Variants in FHOD3 observed in about 807,000 individuals in gnomAD.
FHOD3 encodes formin homology 2 domain containing 3.
In FHOD3, 90 loss-of-function variants were observed where a neutral mutation model predicts 173.0. The ratio of observed to expected loss-of-function variants is 0.52; its 90% confidence interval spans 0.44 to 0.62. FHOD3 has a LOEUF of 0.62. Ranked by LOEUF, FHOD3 falls within the 20% of genes least tolerant of loss-of-function variation. The pLI, the probability that FHOD3 is intolerant of heterozygous loss-of-function variation, is 0.00. For synonymous variants in FHOD3, 828 were observed against 823.0 expected, an observed-to-expected ratio of 1.01 and a Z score of -0.10; for missense variants, 1,945 against 2,034.7, an observed-to-expected ratio of 0.96 and a Z score of 0.85.
intron 10 of FHOD3, among the ~76,000 whole-genome samples, chr18:36,648,953 C>G (rs955420116): frequency 3.9e-5 from 6 of 152,202 alleles, no homozygotes; most frequent in South Asian, 2.1e-4. Context: ...CTGGATGATT[C>G]TGTGTGGAGG....
chr18:36,666,480 G>C (rs1189947931), intron 14 of FHOD3, among the ~76,000 whole-genome samples: 4 of 152,210 alleles, frequency 2.6e-5, no homozygotes, highest in Non-Finnish European at 4.4e-5. Context: ...TGTATCATTA[G>C]ACAGGGTGAT....
intron 3 of FHOD3, among the ~76,000 whole-genome samples, chr18:36,484,243 G>A (rs1021237883): frequency 6.6e-6 from 1 of 152,170 alleles, no homozygotes. Context: ...TTGACTTCTT[G>A]ACATCTTTTT....
At chr18:36,509,155 A>G (rs1300878095) in intron 4 of FHOD3, among the ~76,000 whole-genome samples, 1 of 152,130 alleles carries the variant, frequency 6.6e-6, no homozygotes, top group African/African-American at 2.4e-5. Context: ...ACAAATTCCA[A>G]CAGAAAAGAA....
At chr18:36,621,111 ATAT>A (rs1380626971) in intron 9 of FHOD3, among the ~76,000 whole-genome samples, 1 of 152,184 alleles carries the variant, frequency 6.6e-6, no homozygotes, top group African/African-American at 2.4e-5. Flanking sequence ...TTATGGCTTC[ATAT>A]TATTTTTTTC....
chr18:36,645,675 G>C (rs2035629952), intron 10 of FHOD3, among the ~76,000 whole-genome samples: 1 of 151,744 alleles, frequency 6.6e-6, no homozygotes, highest in South Asian at 2.1e-4. Flanking sequence ...TTCCAAAATA[G>C]GTAAAAAATT....
chr18:36,510,544 G>T (rs2055575449), intron 4 of FHOD3, among the ~76,000 whole-genome samples: 1 of 152,100 alleles, frequency 6.6e-6, no homozygotes, highest in Non-Finnish European at 1.5e-5. Flanking sequence ...TAGCTTGAGT[G>T]GTTTCTTGAG....
intron 3 of FHOD3, among the ~76,000 whole-genome samples, chr18:36,475,960 T>A (rs2053552612): frequency 6.6e-6 from 1 of 152,214 alleles, no homozygotes; most frequent in Admixed American, 6.5e-5. Context: ...TGACAAAATG[T>A]ACAATTACTA....
intron 3 of FHOD3, among the ~76,000 whole-genome samples, chr18:36,405,700 A>G (rs2049020644): frequency 6.6e-6 from 1 of 152,362 alleles, no homozygotes; most frequent in South Asian, 2.1e-4. Context: ...AAGTTTCCCA[A>G]AGAGCTAGCT....
intron 19 of FHOD3, among the ~76,000 whole-genome samples, chr18:36,726,572 C>G (rs1266181476): frequency 6.6e-6 from 1 of 152,224 alleles, no homozygotes; most frequent in Non-Finnish European, 1.5e-5. Context: ...TTTATATCCT[C>G]TTCCCATCAT....
At chr18:36,491,788 T>A (rs1273940675) in intron 3 of FHOD3, among the ~76,000 whole-genome samples, 1 of 151,758 alleles carries the variant, frequency 6.6e-6, no homozygotes, top group Non-Finnish European at 1.5e-5. Flanking sequence ...TTCTTCTGTG[T>A]CTTTTTGTGG....
At chr18:36,748,396 C>T (rs545831123) in intron 24 of FHOD3, among the ~76,000 whole-genome samples, 5 of 145,600 alleles carry the variant, frequency 3.4e-5, no homozygotes, top group South Asian at 2.1e-4. Flanking sequence ...CACACACACA[C>T]ACACACACAC....
intron 14 of FHOD3, among the ~76,000 whole-genome samples, chr18:36,661,168 T>G (rs368662225): frequency 2.0e-5 from 3 of 152,166 alleles, no homozygotes; most frequent in Non-Finnish European, 4.4e-5. Context: ...AAATCATACT[T>G]GTGCACCATC....
chr18:36,556,710 T>C (rs576497158), intron 5 of FHOD3, among the ~76,000 whole-genome samples: 1 of 152,088 alleles, frequency 6.6e-6, no homozygotes, highest in South Asian at 2.1e-4. Flanking sequence ...TTTTAAAGAG[T>C]TTTTTTAAAT....
chr18:36,668,504 GT>G (rs1178917428), intron 14 of FHOD3, among the ~76,000 whole-genome samples: 1 of 151,396 alleles, frequency 6.6e-6, no homozygotes, highest in African/African-American at 2.4e-5. Flanking sequence ...CTGTTTTTCT[GT>G]TTGTTTTATT....
Position 36,467,817 on chromosome 18 carries a change from C to G in FHOD3, c.338-34115C>G, listed in dbSNP as rs531790321. 4.5e-4 allele frequency among the ~76,000 whole-genome samples: 68 copies of G among 152,334 alleles called. 2 individuals are homozygous for G. The highest frequency in any genetic ancestry group is 3.4e-3 in the Middle Eastern group (1 of 294). ...AGATGGGCTCTGTTTATTTAACATT[C>G]AACCCTCGACATGAATGCTCCTGTG... On this transcript the variant is annotated intron_variant, in intron 3 of 28. Transcript: ENST00000590592.
chr18:36,342,675 T>G (rs565771748), intron 1 of FHOD3, among the ~76,000 whole-genome samples: 1 of 152,222 alleles, frequency 6.6e-6, no homozygotes, highest in Non-Finnish European at 1.5e-5. Context: ...ATAGGTAAAT[T>G]GTACTTTATC....
At chr18:36,515,047 C>T (rs2055887584) in intron 5 of FHOD3, among the ~76,000 whole-genome samples, 1 of 152,176 alleles carries the variant, frequency 6.6e-6, no homozygotes, top group Non-Finnish European at 1.5e-5. Flanking sequence ...CCACCAGCGG[C>T]CTGCAGGCTT....
chr18:36,426,738 G>A (rs1009847742), intron 3 of FHOD3, among the ~76,000 whole-genome samples: 1 of 152,194 alleles, frequency 6.6e-6, no homozygotes, highest in Non-Finnish European at 1.5e-5. Context: ...AGTAACTGAA[G>A]TTGTCACATA....
intron 6 of FHOD3, among the ~76,000 whole-genome samples, chr18:36,585,836 C>A (rs1299012972): frequency 1.3e-5 from 2 of 152,200 alleles, no homozygotes; most frequent in Non-Finnish European, 2.9e-5. Flanking sequence ...TCTGGAAGAA[C>A]ATTTAGGGAA....
Sources: allele counts gnomAD v4.1 joint callset (sites outside exome capture counted in the v4.1 genomes callset), GRCh38; gene constraint gnomAD v4.1.1; transcripts MANE v1.5; gene names NCBI Gene and HGNC (gene_info 2026-07-23, HGNC 2026-07-21).